NCOR1: variants seen among roughly 807,000 people sequenced by gnomAD.
The protein encoded by NCOR1 is nuclear receptor corepressor 1, also known as protein phosphatase 1, regulatory subunit 109.
Under a neutral mutation model 288.1 loss-of-function variants are expected in NCOR1, and 63 were observed. The ratio of observed to expected loss-of-function variants is 0.22; its 90% CI spans 0.18 to 0.27. NCOR1 has a LOEUF of 0.27. Among genes scored for constraint, NCOR1 ranks in the 10% least tolerant of loss-of-function variants. The probability of loss-of-function intolerance (pLI) is 1.00; values close to 1 mark genes in which losing one functional copy is unlikely to be tolerated. For synonymous variants in NCOR1, 1,007 were observed against 1,065.9 expected, an observed-to-expected ratio of 0.94 and a Z score of 1.08; for missense variants, 2,397 against 3,019.2, an observed-to-expected ratio of 0.79 and a Z score of 4.83.
At chr17:16,085,376 A>AG (rs2064063792) in intron 23 of NCOR1, among the ~76,000 whole-genome samples, 1 of 152,212 alleles carries the variant, frequency 6.6e-6, no homozygotes, top group Admixed American at 6.5e-5. Context: ...TTCCACTCCC[A>AG]GGTAATTGTA....
chr17:16,196,835 AAAAAAG>A (rs1278320559), intron 1 of NCOR1, among the ~76,000 whole-genome samples: 4 of 150,558 alleles, frequency 2.7e-5, no homozygotes, highest in Non-Finnish European at 4.4e-5. Flanking sequence ...AAAAAAAAAA[AAAAAAG>A]AAAAGAAAAA....
At chr17:16,135,792 T>TTA (rs1159064989) in intron 14 of NCOR1, among the ~76,000 whole-genome samples, 1 of 152,150 alleles carries the variant, frequency 6.6e-6, no homozygotes, top group African/African-American at 2.4e-5. Flanking sequence ...CATAAAAAGG[T>TTA]TATAGCTGTG....
At chr17:16,114,031 C>G (rs2070942993) in intron 18 of NCOR1, among the ~76,000 whole-genome samples, 1 of 150,378 alleles carries the variant, frequency 6.6e-6, no homozygotes, top group Non-Finnish European at 1.5e-5. Flanking sequence ...ATACTTGAGA[C>G]TGGGAAGTAA....
At chr17:16,074,470 T>C (rs1385119092) in intron 27 of NCOR1, among the ~76,000 whole-genome samples, 2 of 152,194 alleles carry the variant, frequency 1.3e-5, no homozygotes, top group Admixed American at 1.3e-4. Flanking sequence ...GTGTGTAGAC[T>C]TCTGATATGG....
intron 3 of NCOR1, among the ~76,000 whole-genome samples, chr17:16,183,556 T>A (rs911974307): frequency 6.6e-6 from 1 of 152,076 alleles, no homozygotes; most frequent in Non-Finnish European, 1.5e-5. Context: ...GATCTGTATA[T>A]TGAAAACTAT....
chr17:16,168,972 A>G (rs907504134), intron 4 of NCOR1, among the ~76,000 whole-genome samples: 7 of 152,150 alleles, frequency 4.6e-5, no homozygotes, highest in African/African-American at 1.7e-4. Context: ...TCAAAAAAAA[A>G]AAAAAACAAT....
chr17:16,117,836 A>G, intron 18 of NCOR1, 52 bp downstream of exon 18: 1 of 1,568,570 alleles, frequency 6.4e-7, no homozygotes, highest in Non-Finnish European at 8.7e-7. Context: ...AACAACAACA[A>G]CACTCTAAGT....
chr17:16,060,054 A>C (rs2060378830), intron 37 of NCOR1, among the ~76,000 whole-genome samples: 1 of 152,222 alleles, frequency 6.6e-6, no homozygotes, highest in Non-Finnish European at 1.5e-5. Context: ...GAAAGTCGGA[A>C]TCCAAACCGT....
At chr17:16,135,453 C>G (rs926336554) in intron 14 of NCOR1, among the ~76,000 whole-genome samples, 5 of 152,112 alleles carry the variant, frequency 3.3e-5, no homozygotes, top group African/African-American at 9.7e-5. Flanking sequence ...TTTATCCTCC[C>G]TTCTCTGATC....
chr17:16,059,420 C>A (rs962487894), intron 37 of NCOR1, among the ~76,000 whole-genome samples: 32 of 152,148 alleles, frequency 2.1e-4, no homozygotes, highest in African/African-American at 7.5e-4. Context: ...CACTGTGTTA[C>A]ATTGTGAAAA....
At chr17:16,167,462 A>AAAT (rs1184218555) in intron 4 of NCOR1, among the ~76,000 whole-genome samples, 1 of 152,146 alleles carries the variant, frequency 6.6e-6, no homozygotes, top group Non-Finnish European at 1.5e-5. Context: ...AGTTAAAAAA[A>AAAT]AATAATAATA....
intron 2 of NCOR1, among the ~76,000 whole-genome samples, chr17:16,188,902 G>A (rs984716072): frequency 6.6e-6 from 1 of 151,910 alleles, no homozygotes; most frequent in Non-Finnish European, 1.5e-5. Flanking sequence ...GCAGGCACAT[G>A]TAATCCCAGC....
intron 20 of NCOR1, 92 bp from the exon 21 acceptor site, chr17:16,098,588 T>C: frequency 1.8e-6 from 2 of 1,129,022 alleles, no homozygotes. Context: ...AGTATGTACA[T>C]ACACATGCAC....
chr17:16,057,428 T>G, intron 40 of NCOR1, 86 bp downstream of exon 40: 1 of 1,355,498 alleles, frequency 7.4e-7, no homozygotes, highest in Non-Finnish European at 1.0e-6. Context: ...ACTTTAGTTG[T>G]GAGAAACAAA....
intron 1 of NCOR1, among the ~76,000 whole-genome samples, chr17:16,197,378 TA>T (rs2090041527): frequency 6.6e-6 from 1 of 152,064 alleles, no homozygotes; most frequent in South Asian, 2.1e-4. Context: ...ATAAATATTT[TA>T]AATAAATATA....
intron 24 of NCOR1, 41 bp downstream of exon 24, chr17:16,080,566 C>G (rs758435687): frequency 6.2e-7 from 1 of 1,613,980 alleles, no homozygotes; most frequent in Non-Finnish European, 8.5e-7. Context: ...GGCTGTGATG[C>G]TACAAACGTA....
At chr17:16,096,106 G>C (rs945017873) in intron 21 of NCOR1, among the ~76,000 whole-genome samples, 3 of 152,122 alleles carry the variant, frequency 2.0e-5, no homozygotes, top group Non-Finnish European at 4.4e-5. Context: ...GATGTGCTTT[G>C]TTAAACAGAT....
chr17:16,111,005 T>G (rs1407302130), intron 18 of NCOR1, among the ~76,000 whole-genome samples: 1 of 152,344 alleles, frequency 6.6e-6, no homozygotes, highest in East Asian at 1.9e-4. Context: ...GGTGTTGCTG[T>G]GTTGCCCAGA....
Position 16,058,327 on chromosome 17 carries a change from T to C in NCOR1, c.6010+144A>G, listed in dbSNP as rs145822955. The stretch of plus-strand genomic sequence containing the variant: ...TCATTAAAAAATAAAAAAGAATCGA[T>C]TGCTGTTTCTAAAGAAGGCTCATGT... On this transcript the variant is annotated intron_variant, in intron 38 of 45. Transcript: ENST00000268712. The C allele has an allele frequency of 7.0e-3, 7,553 of 1,079,152 alleles. 42 individuals are homozygous for C. Among genetic ancestry groups the C allele is most frequent in the Middle Eastern group, 0.015 (47 of 3,140 alleles). The allele number at this position is 1,079,152 out of a possible 1,614,324, so 66.8% of individuals were successfully genotyped here.
Sources: gnomAD v4.1 joint callset for allele counts (sites outside exome capture counted in the v4.1 genomes callset) on GRCh38, gnomAD v4.1.1 for gene constraint, MANE v1.5 for transcripts, NCBI Gene and HGNC (gene_info 2026-07-23, HGNC 2026-07-21) for gene names.